The following ZZEF1 variants were observed in gnomAD, a reference collection of about 807,000 sequenced individuals.
The protein encoded by ZZEF1 is zinc finger ZZ-type and EF-hand domain-containing protein 1.
ZZEF1 carries 157 observed loss-of-function variants against 342.8 expected under a neutral mutation model. The ratio of observed to expected loss-of-function variants is 0.46; its 90% CI spans 0.40 to 0.52. The LOEUF (loss-of-function observed/expected upper bound fraction) is 0.52. Ranked by LOEUF, ZZEF1 falls within the 20% of genes least tolerant of loss-of-function variation. ZZEF1 has a pLI of 0.00. For missense variants in ZZEF1, 3,480 were observed against 3,725.6 expected (o/e 0.93, Z 1.72); for synonymous variants, 1,505 against 1,429.1 (o/e 1.05, Z -1.20).
Position 4,066,352 on chromosome 17 carries a change from C to T in ZZEF1, c.4249+95G>A. ...TACTTTCCCTAGGTCAACACAGCCT[C>T]AATTAAGATAATCTAGAAGGTGAGT... On this transcript the variant is annotated intron_variant, in intron 28 of 54. Coordinates refer to ENST00000381638, the MANE Select transcript of ZZEF1 (RefSeq NM_015113.4). 3 of 1,060,634 alleles carry T rather than the reference C, an allele frequency of 2.8e-6. No homozygotes were observed. The South Asian group carries it at 4.0e-5, about 14-fold the overall frequency. The allele number at this position is 1,060,634 out of a possible 1,614,324, so 65.7% of individuals were successfully genotyped here. A position where few individuals can be genotyped will look rare whatever the true frequency, so the allele number is the denominator to read the frequency against.
rs373171994 is a variant in ZZEF1 at position 4,017,632 on chromosome 17, G to A, written c.7740C>T (p.Ala2580=). 2 of 1,614,050 alleles carry A rather than the reference G, an allele frequency of 1.2e-6. No homozygotes were observed. Among genetic ancestry groups the A allele is most frequent in the African/African-American group, 1.3e-5 (1 of 74,918 alleles). ...STESELQQSY[A]KQRRSKSAAL... ...CGGCGCTCTTGCTACGGCGCTGCTT[G>A]GCATAGCTCTGCTGCAGTTCGCTCT... Residue 2580 remains alanine (A), a synonymous_variant, in exon 48 of 55, where the codon GCC becomes GCT. Transcript: ENST00000381638. The surrounding 1 kb of genome is among the most constrained non-coding windows in gnomAD (Gnocchi z 5.1).
chr17:4,044,924 C>T (rs551363879), intron 37 of ZZEF1, among the ~76,000 whole-genome samples: 37 of 152,130 alleles, frequency 2.4e-4, no homozygotes, highest in African/African-American at 5.8e-4. Context: ...GAGGCCAAGG[C>T]GGGCAGATCC....
intron 1 of ZZEF1, among the ~76,000 whole-genome samples, chr17:4,138,164 T>G (rs1234291077): frequency 6.6e-6 from 1 of 152,188 alleles, no homozygotes; most frequent in Non-Finnish European, 1.5e-5. Flanking sequence ...AGTGGAGAGC[T>G]GAGGGCTCCC....
intron 37 of ZZEF1, among the ~76,000 whole-genome samples, chr17:4,045,914 G>A (rs1012312659): frequency 3.3e-5 from 5 of 150,534 alleles, no homozygotes; most frequent in African/African-American, 2.4e-5. Context: ...TGCAAGCTCC[G>A]CCTCCCAGGT....
chr17:4,083,669 G>A lies in ZZEF1; in HGVS notation c.2647-1165C>T, dbSNP rs181119811. Reference sequence around the variant, plus strand: ...TTTTTTTTTTTTGAGACGGAATCTCGCTCTGTTGCCCAGGGTGAAGTGCAG... The same window carrying A: ...TTTTTTTTTTTTGAGACGGAATCTCACTCTGTTGCCCAGGGTGAAGTGCAG... On this transcript the variant is annotated intron_variant, in intron 16 of 54. Coordinates refer to ENST00000381638, the MANE Select transcript of ZZEF1 (RefSeq NM_015113.4). Among the ~76,000 whole-genome samples, 22 of 136,286 alleles carry A rather than the reference G, an allele frequency of 1.6e-4. No individual in the cohort carries two copies. In the Admixed American group the frequency reaches 1.8e-3, roughly 11 times the overall value. The allele number at this position is 136,286 out of a possible 152,430, so 89.4% of individuals were successfully genotyped here. A position where few individuals can be genotyped will look rare whatever the true frequency, so the allele number is the denominator to read the frequency against.
intron 39 of ZZEF1, among the ~76,000 whole-genome samples, chr17:4,035,028 T>C (rs1386504158): frequency 6.6e-6 from 1 of 151,950 alleles, no homozygotes; most frequent in East Asian, 1.9e-4. Flanking sequence ...TGTGTGTGTA[T>C]ATATATATAT....
intron 10 of ZZEF1, 79 bp downstream of exon 10, chr17:4,096,530 T>C: frequency 8.3e-7 from 1 of 1,210,876 alleles, no homozygotes; most frequent in Non-Finnish European, 1.2e-6. Flanking sequence ...ACCCCACAAA[T>C]ATATATACCT....
chr17:4,048,258 G>A (rs2056968272), intron 37 of ZZEF1, among the ~76,000 whole-genome samples: 1 of 152,202 alleles, frequency 6.6e-6, no homozygotes, highest in South Asian at 2.1e-4. Context: ...AGACAGGCTT[G>A]ATGATTATGT....
Position 4,034,288 on chromosome 17 carries a change from G to A in ZZEF1, c.6311C>T (p.Pro2104Leu), listed in dbSNP as rs1008313546. ...CTCCAGGTCTATCAGGGGAACCGTG[G>A]GGCCCTGCCAAGAGAGGGAGAGAAA... ...AAMLPPLKSGPTVPLIDLEHV... is the reference protein window; with the variant it reads ...AAMLPPLKSGLTVPLIDLEHV... Residue 2104 changes from proline to leucine, a missense_variant, in exon 40 of 55, where the codon CCC (proline) becomes CTC (leucine). By Grantham distance (98) the Pro-to-Leu change is moderately conservative. Coordinates refer to ENST00000381638, the MANE Select transcript of ZZEF1 (RefSeq NM_015113.4). The A allele has an allele frequency of 2.5e-6, 4 of 1,613,976 alleles. No individual in the cohort carries two copies. Among genetic ancestry groups the A allele is most frequent in the Admixed American group, 3.3e-5 (2 of 60,020 alleles).
At chr17:4,057,339 C>A (rs961970670) in intron 32 of ZZEF1, among the ~76,000 whole-genome samples, 5 of 152,140 alleles carry the variant, frequency 3.3e-5, no homozygotes, top group African/African-American at 1.2e-4. Context: ...CCCTTGGAAC[C>A]GCTCTCCTGA....
chr17:4,105,566 T>C lies in ZZEF1; in HGVS notation c.1394+127A>G. The C allele has an allele frequency of 1.1e-5, 8 of 732,170 alleles. 1 individual carries two copies. In the South Asian group the frequency reaches 1.1e-4, roughly 10 times the overall value. The allele number at this position is 732,170 out of a possible 1,614,324, so 45.4% of individuals were successfully genotyped here. ...GTGAACTATTATGTCACTTTCTCTTTAGCTGCTAAAAAGCAACCATTTTTA... is the reference window on the plus strand; with the variant it reads ...GTGAACTATTATGTCACTTTCTCTTCAGCTGCTAAAAAGCAACCATTTTTA... On this transcript the variant is annotated intron_variant, in intron 7 of 54. Coordinates refer to ENST00000381638, the MANE Select transcript of ZZEF1 (RefSeq NM_015113.4).
chr17:4,022,785 T>C lies in ZZEF1; in HGVS notation c.7136A>G (p.Asp2379Gly), dbSNP rs1472934810. The stretch of plus-strand genomic sequence containing the variant: ...CTTTTTCACCAGCAACTTCAGCAAA[T>C]CGGTCTGAAGGAAAGTAGCACGGAT... ...EEIRATFLQT[D>G]LLKLLVKKCS... The change falls in exon 44 of 55, where the codon GAT becomes GGT. Residue 2379 changes from aspartate (D) to glycine (G), a missense_variant. Coordinates refer to ENST00000381638, the MANE Select transcript of ZZEF1 (RefSeq NM_015113.4). 2 of 1,613,676 alleles carry C rather than the reference T, an allele frequency of 1.2e-6. No individual in the cohort carries two copies. The highest frequency in any genetic ancestry group is 3.3e-5 in the Admixed American group (2 of 59,974).
At position 4,064,353 on chromosome 17, in the gene ZZEF1, G is replaced by C; in HGVS notation, c.4718+8C>G. The C allele has an allele frequency of 6.4e-7, 1 of 1,561,134 alleles. No homozygotes were observed. Among genetic ancestry groups the C allele is most frequent in the South Asian group, 1.2e-5 (1 of 83,658 alleles). On this transcript the variant is annotated splice_region_variant and intron_variant, in intron 29 of 54. Coordinates refer to ENST00000381638, the MANE Select transcript of ZZEF1 (RefSeq NM_015113.4). ...GAGAAAGCGACAGGAAGGTAACAAC[G>C]GGCTTACCTCCTGTGCGAGAGCGAC...
chr17:4,103,763 T>G (rs934072539), intron 8 of ZZEF1, among the ~76,000 whole-genome samples: 1 of 151,816 alleles, frequency 6.6e-6, no homozygotes, highest in African/African-American at 2.4e-5. Flanking sequence ...ACAAAAAATT[T>G]TTAAAAATTA....
rs764455314 is a variant in ZZEF1 at position 4,096,599 on chromosome 17, C to T, written c.1764+10G>A. On this transcript the variant is annotated intron_variant, in intron 10 of 54. Transcript: ENST00000381638. The stretch of plus-strand genomic sequence containing the variant: ...GTAACATTGCTTAAAGAAGGTAGCA[C>T]GAAAATTACCATAATTCTTATCTGT... The T allele has an allele frequency of 1.7e-5, 28 of 1,611,426 alleles. No individual in the cohort carries two copies. In the East Asian group the frequency reaches 2.7e-4, roughly 15 times the overall value.
At chr17:4,142,214 C>T (rs1243740316) in intron 1 of ZZEF1, among the ~76,000 whole-genome samples, 2 of 151,116 alleles carry the variant, frequency 1.3e-5, no homozygotes, top group South Asian at 2.1e-4. Context: ...CTCCTCCTAT[C>T]CTTACATCTC....
At chr17:4,031,437 A>C (rs1034365431) in intron 42 of ZZEF1, among the ~76,000 whole-genome samples, 2 of 152,220 alleles carry the variant, frequency 1.3e-5, no homozygotes, top group Non-Finnish European at 2.9e-5. Flanking sequence ...AGACAGATAC[A>C]TGTGTGTCAA....
rs2057400711 is a variant in ZZEF1, at chr17:4,066,546, G to A, written c.4156-6C>T. ...GACTTCTGCTTCATCTCTAACTAGG[G>A]GAGAATTTGAGCCACATCATTATGC... is the stretch of plus-strand genomic sequence containing the variant. On this transcript the variant is annotated splice_polypyrimidine_tract_variant and splice_region_variant and intron_variant, in intron 27 of 54. Coordinates refer to ENST00000381638, the MANE Select transcript of ZZEF1 (RefSeq NM_015113.4). 6.2e-7 allele frequency: 1 copy of A among 1,613,878 alleles called. No homozygotes were observed. Among genetic ancestry groups the A allele is most frequent in the South Asian group, 1.1e-5 (1 of 91,072 alleles).
At position 4,017,973 on chromosome 17, in the gene ZZEF1, T is replaced by C; in HGVS notation, c.7506-2A>G. The C allele has an allele frequency of 6.2e-7, 1 of 1,612,988 alleles. No homozygotes were observed. Among genetic ancestry groups the C allele is most frequent in the Non-Finnish European group, 8.5e-7 (1 of 1,180,018 alleles). ...GTGGTGAGCTCATCACCATCAAACC[T>C]GCAGAAGGGCAGCACAAAGTTGAGT... On this transcript the variant is annotated splice_acceptor_variant, in intron 46 of 54. Coordinates refer to ENST00000381638, the MANE Select transcript of ZZEF1 (RefSeq NM_015113.4). LOFTEE classifies it high-confidence loss of function. This position sits in a 1 kb window ranked among gnomAD's most constrained non-coding sequence, Gnocchi z 5.1.
Sources: gnomAD v4.1 joint callset for allele counts (sites outside exome capture counted in the v4.1 genomes callset) on GRCh38, gnomAD v4.1.1 for gene constraint, Gnocchi (gnomAD v3.1) non-coding constraint, MANE v1.5 for transcripts, NCBI Gene and HGNC (gene_info 2026-07-23, HGNC 2026-07-21) for gene names.